FHIT: variants seen among roughly 807,000 people sequenced by gnomAD.
The protein encoded by FHIT is bis(5'-adenosyl)-triphosphatase.
FHIT carries 19 observed loss-of-function variants against 17.9 expected under a neutral mutation model. The ratio of observed to expected loss-of-function variants is 1.06; its 90% CI spans 0.74 to 1.56. The LOEUF is 1.56. FHIT is among the 40% of genes most tolerant of loss of function. FHIT has a pLI of 0.00. For missense variants in FHIT, 248 were observed against 189.2 expected (o/e 1.31, Z -1.82); for synonymous variants, 81 against 69.7 (o/e 1.16, Z -0.81).
intron 5 of FHIT, among the ~76,000 whole-genome samples, chr3:60,142,716 A>C (rs1576191923): frequency 6.9e-6 from 1 of 144,630 alleles, no homozygotes; most frequent in South Asian, 2.2e-4. Flanking sequence ...AAGAGATGGG[A>C]TTTCACTATG....
chr3:61,212,560 C>A (rs549605118), intron 1 of FHIT, among the ~76,000 whole-genome samples: 1 of 152,272 alleles, frequency 6.6e-6, no homozygotes, highest in African/African-American at 2.4e-5. Flanking sequence ...AGAATGGAAC[C>A]AAGTTGGAAA....
chr3:60,354,236 G>A lies in FHIT; in HGVS notation c.103+182624C>T, dbSNP rs1699548655. Among the ~76,000 whole-genome samples the A allele has an allele frequency of 2.0e-5, 3 of 152,008 alleles. No individual in the cohort carries two copies. The South Asian group carries it at 6.2e-4, about 32-fold the overall frequency. The stretch of plus-strand genomic sequence containing the variant: ...GCATACATAAACTCATAGTAAAAAA[G>A]TATGCACATTAATAGTATTAGTCAT... On this transcript the variant is annotated intron_variant, in intron 5 of 9. Transcript: ENST00000492590.
At chr3:60,278,527 C>A (rs1343499887) in intron 5 of FHIT, among the ~76,000 whole-genome samples, 1 of 152,048 alleles carries the variant, frequency 6.6e-6, no homozygotes, top group African/African-American at 2.4e-5. Context: ...CTCATCACCA[C>A]GTGAAGAGGT....
chr3:60,055,463 T>TTTC lies in FHIT; in HGVS notation c.104-41312_104-41311insGAA, dbSNP rs1553666707. ...GATGGACTTTCTTTTTTTTTTTTTT[T>TTTC]CCAATTCTCAGATTTATTTCTGAGG... is the stretch of plus-strand genomic sequence containing the variant. On this transcript the variant is annotated intron_variant, in intron 5 of 9. Transcript: ENST00000492590. 7.9e-4 allele frequency among the ~76,000 whole-genome samples: 120 copies of TTTC among 151,342 alleles called. 1 individual carries two copies. The highest frequency in any genetic ancestry group is 1.6e-3 in the Non-Finnish European group (107 of 67,708).
chr3:60,693,244 G>A (rs1270136205), intron 4 of FHIT, among the ~76,000 whole-genome samples: 2 of 152,150 alleles, frequency 1.3e-5, no homozygotes, highest in African/African-American at 4.8e-5. Flanking sequence ...TCCCTCATAA[G>A]TGAATGCAAA....
At chr3:60,853,246 T>G (rs971187542) in intron 3 of FHIT, among the ~76,000 whole-genome samples, 5 of 152,152 alleles carry the variant, frequency 3.3e-5, no homozygotes, top group African/African-American at 7.2e-5. Context: ...AAGTACCTAT[T>G]TATATAATAT....
At chr3:60,850,009 G>C (rs1703086446) in intron 3 of FHIT, among the ~76,000 whole-genome samples, 1 of 151,980 alleles carries the variant, frequency 6.6e-6, no homozygotes, top group African/African-American at 2.4e-5. Context: ...TGAGGCAATA[G>C]CATCCATGAG....
intron 5 of FHIT, among the ~76,000 whole-genome samples, chr3:60,475,323 G>C (rs2033291253): frequency 1.3e-5 from 2 of 152,164 alleles, no homozygotes; most frequent in African/African-American, 4.8e-5. Context: ...TAGCTGAAAT[G>C]ATGCATGCCA....
chr3:59,777,370 C>T (rs955454709), intron 8 of FHIT, among the ~76,000 whole-genome samples: 1 of 151,304 alleles, frequency 6.6e-6, no homozygotes, highest in African/African-American at 2.4e-5. Flanking sequence ...TATTTATCAC[C>T]CAAAGATAAA....
chr3:60,928,116 C>G (rs1176867961), intron 3 of FHIT, among the ~76,000 whole-genome samples: 3 of 151,936 alleles, frequency 2.0e-5, no homozygotes, highest in Admixed American at 6.6e-5. Context: ...GCAGTATGCT[C>G]GTTAAGAGTC....
intron 7 of FHIT, among the ~76,000 whole-genome samples, chr3:59,970,893 A>G (rs1708147879): frequency 6.8e-6 from 1 of 146,620 alleles, no homozygotes; most frequent in Non-Finnish European, 1.5e-5. Context: ...TTAACCGGTG[A>G]ACTAGTTGAC....
chr3:60,957,430 G>T (rs1185637992), intron 3 of FHIT, among the ~76,000 whole-genome samples: 1 of 151,744 alleles, frequency 6.6e-6, no homozygotes, highest in African/African-American at 2.4e-5. Flanking sequence ...GTAGAGATGG[G>T]GTTTCACCGT....
chr3:59,923,817 G>A (rs1054165426), intron 7 of FHIT, among the ~76,000 whole-genome samples: 14 of 152,152 alleles, frequency 9.2e-5, no homozygotes, highest in Non-Finnish European at 1.3e-4. Flanking sequence ...TGTACAAGGA[G>A]GGGGAAAGTG....
chr3:60,005,270 T>C lies in FHIT; in HGVS notation c.279+6101A>G, dbSNP rs111638683. On this transcript the variant is annotated intron_variant, in intron 7 of 9. Coordinates refer to ENST00000492590, the MANE Select transcript of FHIT (RefSeq NM_002012.4). The stretch of plus-strand genomic sequence containing the variant: ...TTTTCTTTCAGTGCTTTGATCCAAA[T>C]GGTATCATGCAAATCAAAGTTAACA... Among the ~76,000 whole-genome samples the C allele has an allele frequency of 5.7e-3, 862 of 152,292 alleles. 2 individuals are homozygous for C. Among genetic ancestry groups the C allele is most frequent in the African/African-American group, 0.02 (812 of 41,552 alleles).
At chr3:60,567,707 T>C (rs1487179129) in intron 4 of FHIT, among the ~76,000 whole-genome samples, 1 of 152,064 alleles carries the variant, frequency 6.6e-6, no homozygotes, top group Non-Finnish European at 1.5e-5. Flanking sequence ...AGTCTACCCA[T>C]CTGACAAAGG....
chr3:59,959,496 A>G (rs991751989), intron 7 of FHIT, among the ~76,000 whole-genome samples: 14 of 152,212 alleles, frequency 9.2e-5, no homozygotes, highest in African/African-American at 3.4e-4. Context: ...AACTCAAAGC[A>G]TGAAGCATGT....
At chr3:59,764,860 GCAAACACACACACACA>G (rs1453019577) in intron 8 of FHIT, among the ~76,000 whole-genome samples, 1 of 96,104 alleles carries the variant, frequency 1.0e-5, no homozygotes, top group Non-Finnish European at 2.3e-5. Flanking sequence ...TAAGGCAACT[GCAAACACACACACACA>G]CACACACACA....
chr3:60,529,404 G>T (rs979392981), intron 5 of FHIT, among the ~76,000 whole-genome samples: 3 of 152,128 alleles, frequency 2.0e-5, no homozygotes, highest in African/African-American at 7.2e-5. Context: ...GTTTTGATAT[G>T]TGCATGAAAT....
chr3:60,521,368 C>A (rs1009897764), intron 5 of FHIT, among the ~76,000 whole-genome samples: 1 of 152,110 alleles, frequency 6.6e-6, no homozygotes, highest in African/African-American at 2.4e-5. Context: ...CTGCCTCAAC[C>A]TCCCGAGTAG....
Sources: allele counts gnomAD v4.1 joint callset (sites outside exome capture counted in the v4.1 genomes callset), GRCh38; gene constraint gnomAD v4.1.1; transcripts MANE v1.5; gene names NCBI Gene and HGNC (gene_info 2026-07-23, HGNC 2026-07-21).